CASP14: variants seen among roughly 807,000 people sequenced by gnomAD.
CASP14 encodes caspase-14.
CASP14 carries 27 observed loss-of-function variants against 28.4 expected under a neutral mutation model. That is an observed-to-expected ratio of 0.95 (90% confidence interval 0.70 to 1.31). The LOEUF (loss-of-function observed/expected upper bound fraction) is 1.31. Ranked by LOEUF, CASP14 falls within the 50% of genes most tolerant of loss-of-function variation. The probability of loss-of-function intolerance (pLI) is 0.00; values close to 1 mark genes in which losing one functional copy is unlikely to be tolerated. For missense variants in CASP14, 323 were observed against 312.8 expected, an observed-to-expected ratio of 1.03 and a Z score of -0.25; for synonymous variants, 115 against 118.6, an observed-to-expected ratio of 0.97 and a Z score of 0.20.
chr19:15,052,291 C>A lies in CASP14; in HGVS notation c.27+13C>A. Reference sequence around the variant, plus strand: ...GTCTTTGGAAGAGGTAGGCTGGGTGCAGGTTGAGGGGAGGGTGATCATCTG... The same window carrying A: ...GTCTTTGGAAGAGGTAGGCTGGGTGAAGGTTGAGGGGAGGGTGATCATCTG... On this transcript the variant is annotated intron_variant, in intron 2 of 6. Coordinates refer to ENST00000427043, the MANE Select transcript of CASP14 (RefSeq NM_012114.3). 1 of 1,580,348 alleles carries A rather than the reference C, an allele frequency of 6.3e-7. No homozygotes were observed. The highest frequency in any genetic ancestry group is 8.6e-7 in the Non-Finnish European group (1 of 1,165,576).
rs561288405 is a variant in CASP14 at position 15,054,417 on chromosome 19, A to T, written c.403+459A>T. The stretch of plus-strand genomic sequence containing the variant: ...AATGTAACAAGAACCCAGCTCTATG[A>T]AAAATATTAAAGATTAGCCAAGGGC... On this transcript the variant is annotated intron_variant, in intron 4 of 6. Coordinates refer to ENST00000427043, the MANE Select transcript of CASP14 (RefSeq NM_012114.3). Among the ~76,000 whole-genome samples the T allele has an allele frequency of 1.7e-4, 26 of 152,312 alleles. No individual in the cohort carries two copies. The South Asian group carries it at 4.1e-3, about 24-fold the overall frequency.
Position 15,052,276 on chromosome 19 carries a change from G to A in CASP14, c.25G>A (p.Glu9Lys). The A allele has an allele frequency of 6.3e-7, 1 of 1,589,420 alleles. No homozygotes were observed. The highest frequency in any genetic ancestry group is 1.4e-5 in the African/African-American group (1 of 73,810). MSNPRSLE[E>K]EKYDMSGARL... ...AATGAGCAATCCGCGGTCTTTGGAA[G>A]AGGTAGGCTGGGTGCAGGTTGAGGG... Residue 9 changes from glutamate to lysine, a missense_variant and splice_region_variant, in exon 2 of 7, where the codon GAG becomes AAG. Coordinates refer to ENST00000427043, the MANE Select transcript of CASP14 (RefSeq NM_012114.3).
Position 15,056,154 on chromosome 19 carries a change from A to G in CASP14, c.*65A>G. ...TTCTGTCTCACAGAAATTTAGAGGCAGCTCTTACCTCTCCCCAAGATCTTC... is the reference window on the plus strand; with the variant it reads ...TTCTGTCTCACAGAAATTTAGAGGCGGCTCTTACCTCTCCCCAAGATCTTC... On this transcript the variant is annotated 3_prime_UTR_variant, in exon 7 of 7. Coordinates refer to ENST00000427043, the MANE Select transcript of CASP14 (RefSeq NM_012114.3). 2 of 1,277,228 alleles carry G rather than the reference A, an allele frequency of 1.6e-6. No individual in the cohort carries two copies. The highest frequency in any genetic ancestry group is 1.1e-6 in the Non-Finnish European group (1 of 901,176). The allele number at this position is 1,277,228 out of a possible 1,614,324, so 79.1% of individuals were successfully genotyped here.
chr19:15,053,523 G>A lies in CASP14; in HGVS notation c.69G>A (p.Leu23=), dbSNP rs61731994. The change falls in exon 3 of 7, where the codon CTG becomes CTA. Residue 23 remains leucine (L), a synonymous_variant. Coordinates refer to ENST00000427043, the MANE Select transcript of CASP14 (RefSeq NM_012114.3). Reference sequence around the variant, plus strand: ...CAGGTGCCCGCCTGGCCCTAATACTGTGTGTCACCAAAGCCCGGGAAGGTT... The same window carrying A: ...CAGGTGCCCGCCTGGCCCTAATACTATGTGTCACCAAAGCCCGGGAAGGTT... The part of the protein sequence containing the change: ...DMSGARLALI[L]CVTKAREGSE... 3,649 of 1,614,048 alleles carry A rather than the reference G, an allele frequency of 2.3e-3. 64 individuals are homozygous for A. In the African/African-American group the frequency reaches 0.04, roughly 18 times the overall value.
At chr19:15,052,464 TG>T (rs1221017525) in intron 2 of CASP14, among the ~76,000 whole-genome samples, 186 bp downstream of exon 2, 1 of 152,106 alleles carries the variant, frequency 6.6e-6, no homozygotes, top group East Asian at 1.9e-4. Context: ...GGTTGGGTGG[TG>T]GGGGCAGTCA....
rs1363510874 is a variant in CASP14, at chr19:15,055,309, C to T, written c.520+35C>T. 20 of 1,578,086 alleles carry T rather than the reference C, an allele frequency of 1.3e-5. No individual in the cohort carries two copies. The South Asian group carries it at 2.1e-4, about 17-fold the overall frequency. ...CCCAGCTGGCCCAGGGATCCCTCTGCTCTTCCCCCTCTCCTGCCACTCCCA... is the reference window on the plus strand; with the variant it reads ...CCCAGCTGGCCCAGGGATCCCTCTGTTCTTCCCCCTCTCCTGCCACTCCCA... On this transcript the variant is annotated intron_variant, in intron 5 of 6. Coordinates refer to ENST00000427043, the MANE Select transcript of CASP14 (RefSeq NM_012114.3).
intron 4 of CASP14, among the ~76,000 whole-genome samples, chr19:15,054,602 A>G (rs1014341220): frequency 6.6e-6 from 1 of 151,734 alleles, no homozygotes; most frequent in African/African-American, 2.4e-5. Flanking sequence ...AAATTAAATT[A>G]AAAAGCCCCA....
In CASP14 at chr19:15,057,810, C is replaced by T. The variant is rs3181313; in HGVS notation, c.*1721C>T. On this transcript the variant is annotated 3_prime_UTR_variant, in exon 7 of 7. Transcript: ENST00000427043. ...GGCTGAGGTGGGAGGATGACTTGAGCCCAGGAGTTTGAGGCTGCAAGGAGC... is the reference window on the plus strand; with the variant it reads ...GGCTGAGGTGGGAGGATGACTTGAGTCCAGGAGTTTGAGGCTGCAAGGAGC... 0.11 allele frequency: 17,089 copies of T among 152,178 alleles called. 1,149 individuals carry two copies. Among genetic ancestry groups the T allele is most frequent in the African/African-American group, 0.2 (8,257 of 41,450 alleles). The allele number at this position is 152,178 out of a possible 1,614,324, so 9.4% of individuals were successfully genotyped here.
At position 15,055,184 on chromosome 19, in the gene CASP14, G is replaced by C; in HGVS notation, c.430G>C (p.Gly144Arg). ...ACAAAGGGACCCCGGTGAAACAGTA[G>C]GTGGAGATGAGATTGTGATGGTCAT... ...GEQRDPGETV[G>R]GDEIVMVIKD... The change falls in exon 5 of 7, where the codon GGT becomes CGT. Residue 144 changes from glycine to arginine, a missense_variant. Coordinates refer to ENST00000427043, the MANE Select transcript of CASP14 (RefSeq NM_012114.3). 6.2e-7 allele frequency: 1 copy of C among 1,614,020 alleles called. No individual in the cohort carries two copies. Among genetic ancestry groups the C allele is most frequent in the Non-Finnish European group, 8.5e-7 (1 of 1,179,954 alleles).
rs915749599 is a variant in CASP14 at position 15,049,481 on chromosome 19, T to C, written c.-211T>C. ...CCAGGTGATTGTGCCACCCGATTCA[T>C]AGACCAGGCTTCTCAGGAGAAACCC... On this transcript the variant is annotated 5_prime_UTR_variant, in exon 1 of 7. Transcript: ENST00000427043. The C allele has an allele frequency of 1.3e-5, 2 of 152,128 alleles. No homozygotes were observed. Among genetic ancestry groups the C allele is most frequent in the Non-Finnish European group, 2.9e-5 (2 of 68,042 alleles). 9.4% of individuals were successfully genotyped at this position (152,128 alleles called of 1,614,324 possible).
In CASP14 at chr19:15,056,015, G is replaced by A. The variant is rs1227605063; in HGVS notation, c.655G>A (p.Val219Ile). ...CCGGCGGATGGCAGAAGCAGAGCTG[G>A]TTCAAGAAGGAAAAGCAAGGAAAAC... ...VTRRMAEAELVQEGKARKTNP... is the reference protein window; with the variant it reads ...VTRRMAEAELIQEGKARKTNP... The change falls in exon 7 of 7, where the codon GTT becomes ATT. Residue 219 changes from valine (V) to isoleucine (I), a missense_variant. Val to Ile is a conservative substitution (Grantham distance 29). Coordinates refer to ENST00000427043, the MANE Select transcript of CASP14 (RefSeq NM_012114.3). The A allele has an allele frequency of 6.2e-7, 1 of 1,608,864 alleles. No individual in the cohort carries two copies. The highest frequency in any genetic ancestry group is 2.2e-5 in the East Asian group (1 of 44,752).
Sources: gnomAD v4.1 joint callset for allele counts (sites outside exome capture counted in the v4.1 genomes callset) on GRCh38, gnomAD v4.1.1 for gene constraint, MANE v1.5 for transcripts, NCBI Gene and HGNC (gene_info 2026-07-23, HGNC 2026-07-21) for gene names.